Variants in RPS14 observed in about 807,000 individuals in gnomAD.
The protein encoded by RPS14 is ribosomal protein S14, also known as small ribosomal subunit protein uS11.
In RPS14, 1 loss-of-function variant was observed where a neutral mutation model predicts 15.4. The observed-to-expected ratio is 0.07, with a 90% confidence interval of 0.02 to 0.31. The LOEUF is 0.31. Among genes scored for constraint, RPS14 ranks in the 10% least tolerant of loss-of-function variants. The pLI, the probability that RPS14 is intolerant of heterozygous loss-of-function variation, is 1.00. For missense variants in RPS14, 69 were observed against 205.5 expected (o/e 0.34, Z 4.06); for synonymous variants, 68 against 74.4 (o/e 0.91, Z 0.44).
intron 1 of RPS14, chr5:150,449,009 T>C (rs1427076767): frequency 6.6e-6 from 1 of 152,234 alleles, no homozygotes. Flanking sequence ...AGCATGAGTA[T>C]GTTTCGGCAT....
chr5:150,444,409 G>A (rs373508469), intron 4 of RPS14, 56 bp from the exon 5 acceptor site: 2 of 1,481,600 alleles, frequency 1.3e-6, no homozygotes, highest in Admixed American at 1.7e-5. Flanking sequence ...AGGGCCCCCA[G>A]GACTCCCTAG....
In RPS14 at chr5:150,442,704, CTTAT is replaced by C. The variant is rs1193300706; in HGVS notation, c.*1578_*1581del. 5.3e-5 allele frequency: 8 copies of C among 151,786 alleles called. No homozygotes were observed. Among genetic ancestry groups the C allele is most frequent in the African/African-American group, 7.3e-5 (3 of 41,190 alleles). The allele number at this position is 151,786 out of a possible 1,614,324, so 9.4% of individuals were successfully genotyped here. ...TTCATATTTTTTAATTTATTATTTA[CTTAT>C]TTAGTTTTTGAGATAGGATCTTGCT... On this transcript the variant is annotated 3_prime_UTR_variant, in exon 5 of 5. Coordinates refer to ENST00000407193, the MANE Select transcript of RPS14 (RefSeq NM_005617.4).
At position 150,444,097 on chromosome 5, in the gene RPS14, A is replaced by G; in HGVS notation, c.*189T>C. 1 of 808,344 alleles carries G rather than the reference A, an allele frequency of 1.2e-6. No homozygotes were observed. The highest frequency in any genetic ancestry group is 3.3e-5 in the East Asian group (1 of 30,466). The allele number at this position is 808,344 out of a possible 1,614,324, so 50.1% of individuals were successfully genotyped here. ...ATGACCAAGGCAACTTAATGCCGCAAGTAGCATGGAAAAGACCCCAAATGC... is the reference window on the plus strand; with the variant it reads ...ATGACCAAGGCAACTTAATGCCGCAGGTAGCATGGAAAAGACCCCAAATGC... On this transcript the variant is annotated 3_prime_UTR_variant, in exon 5 of 5. Coordinates refer to ENST00000407193, the MANE Select transcript of RPS14 (RefSeq NM_005617.4).
In RPS14 at chr5:150,446,982, G is replaced by A; in HGVS notation, c.150-19C>T. On this transcript the variant is annotated intron_variant, in intron 2 of 4. Transcript: ENST00000407193. This position sits in a 1 kb window ranked among gnomAD's most constrained non-coding sequence, Gnocchi z 4.2. ...GGTTTCCCTGGGGACAAAAGCACAG[G>A]GTCATTTCTTCCTCGTCCAACAAGG... 1 of 1,613,478 alleles carries A rather than the reference G, an allele frequency of 6.2e-7. No individual in the cohort carries two copies. The highest frequency in any genetic ancestry group is 1.7e-4 in the Middle Eastern group (1 of 6,056).
Position 150,444,595 on chromosome 5 carries a change from G to C in RPS14, c.389-242C>G, listed in dbSNP as rs956726346. On this transcript the variant is annotated intron_variant, in intron 4 of 4. Coordinates refer to ENST00000407193, the MANE Select transcript of RPS14 (RefSeq NM_005617.4). ...AGGCTGAGCTGTGCGCAAGATGTCA[G>C]AGGCACAGGACAAATCCAGGTTCTG... is the stretch of plus-strand genomic sequence containing the variant. 2.2e-5 allele frequency: 15 copies of C among 667,696 alleles called. No individual in the cohort carries two copies. In the Admixed American group the frequency reaches 2.9e-4, roughly 13 times the overall value. 41.4% of individuals were successfully genotyped at this position (667,696 alleles called of 1,614,324 possible).
At position 150,445,522 on chromosome 5, in the gene RPS14, C is replaced by T. The variant is rs902583289; in HGVS notation, c.388+87G>A. The T allele has an allele frequency of 2.4e-6, 3 of 1,270,338 alleles. No homozygotes were observed. In the South Asian group the frequency reaches 3.6e-5, roughly 15 times the overall value. The allele number at this position is 1,270,338 out of a possible 1,614,324, so 78.7% of individuals were successfully genotyped here. On this transcript the variant is annotated intron_variant, in intron 4 of 4. Transcript: ENST00000407193. ...AACTGCCAAAAGTGACCAGACCAGC[C>T]GCTGCACATCCACTGGGCACAGCAC...
chr5:150,446,698 T>G lies in RPS14; in HGVS notation c.311+104A>C. ...TAAGTATGTATATGCCTAAAATATCTTGTTCAAGGTCACAACAAAAAACCC... is the reference window on the plus strand; with the variant it reads ...TAAGTATGTATATGCCTAAAATATCGTGTTCAAGGTCACAACAAAAAACCC... On this transcript the variant is annotated intron_variant, in intron 3 of 4. Transcript: ENST00000407193. The surrounding 1 kb of genome is among the most constrained non-coding windows in gnomAD (Gnocchi z 4.2). 1 of 1,288,868 alleles carries G rather than the reference T, an allele frequency of 7.8e-7. No homozygotes were observed. Among genetic ancestry groups the G allele is most frequent in the Non-Finnish European group, 1.1e-6 (1 of 917,694 alleles). 79.8% of individuals were successfully genotyped at this position (1,288,868 alleles called of 1,614,324 possible). A position where few individuals can be genotyped will look rare whatever the true frequency, so the allele number is the denominator to read the frequency against.
rs753070284 is a variant in RPS14 at position 150,442,865 on chromosome 5, ATTTT to A, written c.*1417_*1420del. 6.6e-6 allele frequency: 1 copy of A among 151,978 alleles called. No homozygotes were observed. The highest frequency in any genetic ancestry group is 1.5e-5 in the Non-Finnish European group (1 of 68,032). 9.4% of individuals were successfully genotyped at this position (151,978 alleles called of 1,614,324 possible). A position where few individuals can be genotyped will look rare whatever the true frequency, so the allele number is the denominator to read the frequency against. On this transcript the variant is annotated 3_prime_UTR_variant, in exon 5 of 5. Transcript: ENST00000407193. Reference sequence around the variant, plus strand: ...AGACGTGTGCCACCATGCCCAGCTAATTTTTTATTTTTTGTAGAGACGGGGTCTC... The same window carrying A: ...AGACGTGTGCCACCATGCCCAGCTAATTATTTTTTGTAGAGACGGGGTCTC...
At position 150,446,892 on chromosome 5, in the gene RPS14, G is replaced by C. The variant is rs137915903; in HGVS notation, c.221C>G (p.Ala74Gly). The change falls in exon 3 of 5, where the codon GCT becomes GGT. Residue 74 changes from alanine (A) to glycine (G), a missense_variant. Coordinates refer to ENST00000407193, the MANE Select transcript of RPS14 (RefSeq NM_005617.4). The surrounding 1 kb of genome is among the most constrained non-coding windows in gnomAD (Gnocchi z 4.2). ...GGCCACATCCTGGGCAGCCAACATAGCAGCATATGGTGAGGATTCATCTCG... is the reference window on the plus strand; with the variant it reads ...GGCCACATCCTGGGCAGCCAACATACCAGCATATGGTGAGGATTCATCTCG... ...ADRDESSPYA[A>G]MLAAQDVAQR... 1 of 1,614,190 alleles carries C rather than the reference G, an allele frequency of 6.2e-7. No homozygotes were observed.
intron 1 of RPS14, 23 bp from the exon 2 acceptor site, chr5:150,447,758 C>A (rs777466543): frequency 3.0e-5 from 49 of 1,609,340 alleles, no homozygotes; most frequent in Non-Finnish European, 4.0e-5. Flanking sequence ...AAAAGAAACT[C>A]AAGGTTAACA....
Sources: allele counts gnomAD v4.1 joint callset, GRCh38; gene constraint gnomAD v4.1.1; non-coding constraint Gnocchi (gnomAD v3.1); transcripts MANE v1.5; gene names NCBI Gene and HGNC (gene_info 2026-07-23, HGNC 2026-07-21).